ANO3: variants seen among roughly 807,000 people sequenced by gnomAD.
ANO3 encodes anoctamin-3.
A neutral mutation model predicts 144.8 loss-of-function variants in ANO3; 99 were observed. That is an observed-to-expected ratio of 0.68 (90% CI 0.58 to 0.81). ANO3 has a LOEUF of 0.81. Among genes scored for constraint, ANO3 ranks in the 30% least tolerant of loss-of-function variants. ANO3 has a pLI of 0.00. For missense variants in ANO3, 905 were observed against 1,202.2 expected (o/e 0.75, Z 3.66); for synonymous variants, 414 against 392.6 (o/e 1.05, Z -0.64).
At chr11:26,228,672 T>G (rs887095315) in intron 1 of ANO3, among the ~76,000 whole-genome samples, 4 of 152,214 alleles carry the variant, frequency 2.6e-5, no homozygotes, top group Admixed American at 2.0e-4. Flanking sequence ...GGTCTGTCAC[T>G]ATCAGAGTTT....
intron 1 of ANO3, among the ~76,000 whole-genome samples, chr11:26,302,853 A>G (rs1854268724): frequency 6.6e-6 from 1 of 152,200 alleles, no homozygotes; most frequent in Admixed American, 6.5e-5. Flanking sequence ...AACTTAAACC[A>G]ACAAGCAAAA....
chr11:26,315,304 T>G (rs1854596360), intron 1 of ANO3, among the ~76,000 whole-genome samples: 1 of 152,192 alleles, frequency 6.6e-6, no homozygotes, highest in Non-Finnish European at 1.5e-5. Flanking sequence ...CCCTCAATTC[T>G]CCTCAGTTTT....
intron 13 of ANO3, among the ~76,000 whole-genome samples, chr11:26,556,036 T>C (rs963564100): frequency 2.6e-5 from 4 of 152,192 alleles, no homozygotes; most frequent in East Asian, 3.8e-4. Flanking sequence ...TTCAGTGATA[T>C]GTTTGCATGG....
intron 1 of ANO3, among the ~76,000 whole-genome samples, chr11:26,325,557 T>C (rs1854862514): frequency 6.6e-6 from 1 of 152,218 alleles, no homozygotes; most frequent in Non-Finnish European, 1.5e-5. Flanking sequence ...TTTCAAGTCA[T>C]CAATATTTAT....
chr11:26,233,016 G>A (rs1852435324), intron 1 of ANO3, among the ~76,000 whole-genome samples: 1 of 150,024 alleles, frequency 6.7e-6, no homozygotes, highest in Non-Finnish European at 1.5e-5. Context: ...AGGAGATCGA[G>A]ACATCCTGGC....
intron 1 of ANO3, among the ~76,000 whole-genome samples, chr11:26,267,575 A>T (rs1379745678): frequency 6.6e-6 from 1 of 152,248 alleles, no homozygotes. Context: ...CTTTAAAAAT[A>T]TCACTATCAG....
rs576561810 is a variant in ANO3 at position 26,377,880 on chromosome 11, A to G, written c.46+45559A>G. ...AGTGGTACAAATATCTCCAAATTAT[A>G]GAGAAGAAATCACTGTCCATGCAGA... On this transcript the variant is annotated intron_variant, in intron 1 of 26. Transcript: ENST00000256737. Among the ~76,000 whole-genome samples the G allele has an allele frequency of 4.1e-4, 63 of 152,274 alleles. 1 individual carries two copies. In the South Asian group the frequency reaches 0.013, roughly 31 times the overall value.
chr11:26,230,363 GA>G (rs1852364636), intron 1 of ANO3, among the ~76,000 whole-genome samples: 2 of 152,098 alleles, frequency 1.3e-5, no homozygotes, highest in African/African-American at 4.8e-5. Flanking sequence ...AAAATACTTT[GA>G]ATAGAAACAG....
At chr11:26,440,467 C>T (rs1244849976) in intron 1 of ANO3, among the ~76,000 whole-genome samples, 1 of 151,698 alleles carries the variant, frequency 6.6e-6, no homozygotes, top group African/African-American at 2.4e-5. Flanking sequence ...GGGAAATGAC[C>T]TGGAACTGGT....
chr11:26,483,203 C>T (rs1860297042), intron 4 of ANO3, among the ~76,000 whole-genome samples: 1 of 151,938 alleles, frequency 6.6e-6, no homozygotes, highest in South Asian at 2.1e-4. Context: ...GTAAACGTTC[C>T]CTTTTCTCTG....
chr11:26,285,521 A>G (rs1451488215), intron 1 of ANO3, among the ~76,000 whole-genome samples: 2 of 152,246 alleles, frequency 1.3e-5, no homozygotes, highest in Non-Finnish European at 2.9e-5. Flanking sequence ...ATAAAGGAAT[A>G]CATTATGGGA....
At chr11:26,270,642 T>A (rs1853418977) in intron 1 of ANO3, among the ~76,000 whole-genome samples, 2 of 152,200 alleles carry the variant, frequency 1.3e-5, no homozygotes, top group South Asian at 4.2e-4. Flanking sequence ...TACGAATTCA[T>A]TTATTCACTC....
chr11:26,205,596 T>G (rs1851780826), intron 1 of ANO3, among the ~76,000 whole-genome samples: 1 of 152,200 alleles, frequency 6.6e-6, no homozygotes, highest in Non-Finnish European at 1.5e-5. Flanking sequence ...AGTCACTCTA[T>G]TCTAGCAGTC....
chr11:26,314,176 T>A (rs1207762582), intron 1 of ANO3, among the ~76,000 whole-genome samples: 2 of 152,100 alleles, frequency 1.3e-5, no homozygotes, highest in Non-Finnish European at 2.9e-5. Flanking sequence ...ATGTTTTCCG[T>A]CTTATAAGAC....
chr11:26,394,570 C>CTTTT (rs56118844), intron 1 of ANO3, among the ~76,000 whole-genome samples: 40 of 115,680 alleles, frequency 3.5e-4, no homozygotes, highest in Non-Finnish European at 4.9e-4. Flanking sequence ...ATTTCATTTT[C>CTTTT]TTTTTTTTTT....
chr11:26,239,925 T>G (rs1470480177), intron 1 of ANO3, among the ~76,000 whole-genome samples: 2 of 152,192 alleles, frequency 1.3e-5, no homozygotes, highest in East Asian at 3.8e-4. Flanking sequence ...GAAAATGTAT[T>G]TATGTCTAAG....
At chr11:26,318,475 C>A (rs1216369604) in intron 1 of ANO3, among the ~76,000 whole-genome samples, 1 of 152,074 alleles carries the variant, frequency 6.6e-6, no homozygotes, top group African/African-American at 2.4e-5. Flanking sequence ...CCAAAAGGTA[C>A]AATTTGGTGA....
chr11:26,472,433 A>T (rs1346703678), intron 4 of ANO3, among the ~76,000 whole-genome samples: 2 of 151,972 alleles, frequency 1.3e-5, no homozygotes, highest in Non-Finnish European at 2.9e-5. Context: ...AGGTGAGGAA[A>T]TGAAGGCTTA....
intron 1 of ANO3, among the ~76,000 whole-genome samples, chr11:26,281,718 A>G (rs956569916): frequency 2.6e-5 from 4 of 152,218 alleles, no homozygotes; most frequent in African/African-American, 9.6e-5. Flanking sequence ...AAAGATTAAT[A>G]TAAAATTCTA....
Sources: allele counts gnomAD v4.1 joint callset (sites outside exome capture counted in the v4.1 genomes callset), GRCh38; gene constraint gnomAD v4.1.1; transcripts MANE v1.5; gene names NCBI Gene and HGNC (gene_info 2026-07-23, HGNC 2026-07-21).